Variants in AUTS2 observed in about 807,000 individuals in gnomAD.
AUTS2 encodes the protein autism susceptibility gene 2 protein.
In AUTS2, 17 loss-of-function variants were observed where a neutral mutation model predicts 112.4. The ratio of observed to expected loss-of-function variants is 0.15; its 90% confidence interval spans 0.10 to 0.23. The LOEUF (loss-of-function observed/expected upper bound fraction) is 0.23, where lower values mean the gene tolerates loss of function less well. Ranked by LOEUF, AUTS2 falls within the 10% of genes least tolerant of loss-of-function variation. The pLI is 1.00. For missense variants in AUTS2, 1,510 were observed against 1,701.6 expected (o/e 0.89, Z 1.98); for synonymous variants, 751 against 702.7 (o/e 1.07, Z -1.09).
intron 4 of AUTS2, among the ~76,000 whole-genome samples, chr7:70,281,586 A>G (rs1172524534): frequency 6.6e-6 from 1 of 152,258 alleles, no homozygotes; most frequent in Non-Finnish European, 1.5e-5. Context: ...GGGTTCAAAC[A>G]TTTGTTAACA....
At chr7:69,790,132 A>T (rs1789550399) in intron 1 of AUTS2, among the ~76,000 whole-genome samples, 1 of 146,968 alleles carries the variant, frequency 6.8e-6, no homozygotes, top group African/African-American at 2.5e-5. Flanking sequence ...AATAAAAAAT[A>T]AAAAAAAAAA....
intron 1 of AUTS2, among the ~76,000 whole-genome samples, chr7:69,793,765 A>T (rs953080218): frequency 2.0e-5 from 3 of 152,108 alleles, no homozygotes; most frequent in African/African-American, 7.2e-5. Flanking sequence ...TAAAAACATT[A>T]AATTTTTTAA....
intron 5 of AUTS2, among the ~76,000 whole-genome samples, chr7:70,645,234 C>T (rs1379304215): frequency 1.6e-5 from 2 of 124,668 alleles, no homozygotes; most frequent in African/African-American, 6.1e-5. Context: ...GCCCTCCCAA[C>T]CTCCCCTCAT....
In AUTS2 at chr7:70,633,610, C is replaced by CAAAAA. The variant is rs71870928; in HGVS notation, c.691-64944_691-64940dup. On this transcript the variant is annotated intron_variant, in intron 5 of 18. Coordinates refer to ENST00000342771, the MANE Select transcript of AUTS2 (RefSeq NM_015570.4). Reference sequence around the variant, plus strand: ...TGGGCCACAGAGCAAGACTCCGTCTCAAAAAAAAAAAAAAAAAAAGGACAG... The same window carrying CAAAAA: ...TGGGCCACAGAGCAAGACTCCGTCTCAAAAAAAAAAAAAAAAAAAAAAAAGGACAG... Among the ~76,000 whole-genome samples the CAAAAA allele has an allele frequency of 2.9e-5, 3 of 104,866 alleles. 1 individual carries two copies. The highest frequency in any genetic ancestry group is 7.6e-5 in the African/African-American group (2 of 26,284). The allele number at this position is 104,866 out of a possible 152,430, so 68.8% of individuals were successfully genotyped here.
At chr7:69,618,168 C>T (rs913583004) in intron 1 of AUTS2, among the ~76,000 whole-genome samples, 1 of 152,150 alleles carries the variant, frequency 6.6e-6, no homozygotes, top group Non-Finnish European at 1.5e-5. Flanking sequence ...TCAGGGCCTG[C>T]ACTGAGCCTC....
intron 5 of AUTS2, among the ~76,000 whole-genome samples, chr7:70,572,147 A>C (rs1192869274): frequency 2.0e-5 from 3 of 152,158 alleles, no homozygotes. Flanking sequence ...TAGCTATGGC[A>C]GCCCAGAGAA....
At chr7:70,782,603 TC>T (rs1466998235) in intron 15 of AUTS2, 1 of 152,224 alleles carries the variant, frequency 6.6e-6, no homozygotes, top group African/African-American at 2.4e-5. Flanking sequence ...CACACAGAGC[TC>T]AGCTCAGTTA....
intron 4 of AUTS2, among the ~76,000 whole-genome samples, chr7:70,170,342 G>A (rs1185111827): frequency 1.3e-5 from 2 of 151,566 alleles, no homozygotes; most frequent in Middle Eastern, 3.2e-3. Flanking sequence ...TGTAGTGTTG[G>A]GGCTTCACCG....
intron 1 of AUTS2, among the ~76,000 whole-genome samples, chr7:69,898,943 A>C (rs1023779021): frequency 4.6e-5 from 7 of 152,178 alleles, no homozygotes; most frequent in African/African-American, 1.7e-4. Context: ...AAATGAGTGT[A>C]TTGCACTTCC....
intron 5 of AUTS2, among the ~76,000 whole-genome samples, chr7:70,557,376 AGCCCTTG>A (rs1181543352): frequency 6.6e-6 from 1 of 152,180 alleles, no homozygotes; most frequent in Non-Finnish European, 1.5e-5. Context: ...CCCAGCTCCC[AGCCCTTG>A]GCTGGCAGAG....
At chr7:69,793,124 G>A (rs180808101) in intron 1 of AUTS2, among the ~76,000 whole-genome samples, 1 of 152,246 alleles carries the variant, frequency 6.6e-6, no homozygotes, top group Non-Finnish European at 1.5e-5. Flanking sequence ...CACTATTACA[G>A]ATAGCAGGTT....
intron 5 of AUTS2, among the ~76,000 whole-genome samples, chr7:70,483,968 C>G (rs181877142): frequency 6.6e-6 from 1 of 151,990 alleles, no homozygotes; most frequent in Admixed American, 6.6e-5. Context: ...GAAAGAAAGG[C>G]TTGATTGTGA....
At chr7:69,966,924 C>T (rs1340563101) in intron 2 of AUTS2, among the ~76,000 whole-genome samples, 1 of 152,156 alleles carries the variant, frequency 6.6e-6, no homozygotes, top group Non-Finnish European at 1.5e-5. Context: ...CTGTTAGTTC[C>T]TGCTGCTGAG....
chr7:70,008,293 T>A (rs1411068735), intron 2 of AUTS2, among the ~76,000 whole-genome samples: 1 of 152,228 alleles, frequency 6.6e-6, no homozygotes, highest in African/African-American at 2.4e-5. Flanking sequence ...TAACAATTTT[T>A]AAAATCAAAT....
intron 1 of AUTS2, among the ~76,000 whole-genome samples, chr7:69,796,773 G>A (rs1351978318): frequency 6.6e-6 from 1 of 152,116 alleles, no homozygotes; most frequent in Non-Finnish European, 1.5e-5. Flanking sequence ...ACATTGCCTA[G>A]CAGAACTGTT....
At chr7:69,990,393 T>C (rs1456339219) in intron 2 of AUTS2, among the ~76,000 whole-genome samples, 1 of 152,230 alleles carries the variant, frequency 6.6e-6, no homozygotes, top group Non-Finnish European at 1.5e-5. Flanking sequence ...TTAAAATATC[T>C]AGTTCATTTT....
chr7:70,152,583 C>T (rs1377650793), intron 4 of AUTS2, among the ~76,000 whole-genome samples: 4 of 152,032 alleles, frequency 2.6e-5, no homozygotes, highest in African/African-American at 7.2e-5. Flanking sequence ...GCTAGGAGAA[C>T]AGTTTTGCAA....
At chr7:70,545,961 G>A (rs1800757853) in intron 5 of AUTS2, among the ~76,000 whole-genome samples, 1 of 152,146 alleles carries the variant, frequency 6.6e-6, no homozygotes, top group South Asian at 2.1e-4. Flanking sequence ...TAACTACTTT[G>A]TTTACTTTCA....
At chr7:70,070,780 G>C (rs995610170) in intron 2 of AUTS2, among the ~76,000 whole-genome samples, 18 of 151,944 alleles carry the variant, frequency 1.2e-4, no homozygotes. Flanking sequence ...GCTGAGGCAG[G>C]AGAATCGCTT....
Sources: allele counts gnomAD v4.1 joint callset (sites outside exome capture counted in the v4.1 genomes callset), GRCh38; gene constraint gnomAD v4.1.1; transcripts MANE v1.5; gene names NCBI Gene and HGNC (gene_info 2026-07-23, HGNC 2026-07-21).